PCDH15: variants seen among roughly 807,000 people sequenced by gnomAD.
The protein encoded by PCDH15 is protocadherin related 15.
In PCDH15, 129 loss-of-function variants were observed where a neutral mutation model predicts 178.5. The ratio of observed to expected loss-of-function variants is 0.72; its 90% CI spans 0.63 to 0.84. The LOEUF (loss-of-function observed/expected upper bound fraction) is 0.84, where lower values mean the gene tolerates loss of function less well. Ranked by LOEUF, PCDH15 falls within the 40% of genes least tolerant of loss-of-function variation. The pLI is 0.00. For missense variants in PCDH15, 2,230 were observed against 2,099.9 expected (o/e 1.06, Z -1.21); for synonymous variants, 800 against 732.0 (o/e 1.09, Z -1.50).
intron 14 of PCDH15, among the ~76,000 whole-genome samples, chr10:54,152,841 T>C (rs1253023262): frequency 6.6e-6 from 1 of 152,132 alleles, no homozygotes; most frequent in Non-Finnish European, 1.5e-5. Context: ...TCTGTTAATT[T>C]CTTTGAAGAA....
intron 3 of PCDH15, among the ~76,000 whole-genome samples, chr10:54,475,667 G>C (rs1214750682): frequency 1.3e-5 from 2 of 151,694 alleles, no homozygotes; most frequent in Non-Finnish European, 2.9e-5. Context: ...ATAAAAATCA[G>C]TGTCATTTAT....
intron 11 of PCDH15, among the ~76,000 whole-genome samples, chr10:54,190,699 C>T (rs751650435): frequency 2.0e-5 from 3 of 152,196 alleles, no homozygotes; most frequent in Non-Finnish European, 4.4e-5. Context: ...CCACCACACC[C>T]AGCCAAGAGT....
intron 1 of PCDH15, among the ~76,000 whole-genome samples, chr10:55,210,466 G>A (rs1840529233): frequency 6.6e-6 from 1 of 151,660 alleles, no homozygotes; most frequent in Non-Finnish European, 1.5e-5. Context: ...ATAGACAATA[G>A]CAAAGGAAGC....
Position 53,803,115 on chromosome 10 carries a change from T to C in PCDH15, c.*3464A>G, listed in dbSNP as rs1371019388. On this transcript the variant is annotated 3_prime_UTR_variant, in exon 38 of 38. Transcript: ENST00000644397. The stretch of plus-strand genomic sequence containing the variant: ...AAAAATTTCACATACCATTTGGGAA[T>C]AGAAAGAAACTATCTATAAAATGTG... 1.3e-5 allele frequency: 2 copies of C among 151,970 alleles called. No individual in the cohort carries two copies. Among genetic ancestry groups the C allele is most frequent in the Non-Finnish European group, 2.9e-5 (2 of 67,880 alleles). 9.4% of individuals were successfully genotyped at this position (151,970 alleles called of 1,614,324 possible).
intron 21 of PCDH15, among the ~76,000 whole-genome samples, chr10:53,983,284 T>C (rs1373651947): frequency 6.6e-6 from 1 of 151,602 alleles, no homozygotes; most frequent in Admixed American, 6.6e-5. Context: ...TATATATACG[T>C]TTTGCAGGCA....
chr10:54,250,190 G>A (rs1418420354), intron 8 of PCDH15, among the ~76,000 whole-genome samples: 3 of 150,352 alleles, frequency 2.0e-5, no homozygotes, highest in African/African-American at 7.3e-5. Flanking sequence ...TTACAGGCAT[G>A]AGTGACTGCA....
intron 3 of PCDH15, among the ~76,000 whole-genome samples, chr10:54,879,147 T>C (rs764841523): frequency 1.3e-5 from 2 of 151,916 alleles, no homozygotes; most frequent in African/African-American, 2.4e-5. Context: ...TTTACGTATG[T>C]TAGAATACAA....
chr10:55,454,339 T>C (rs1001558231), intron 2 of PCDH15, among the ~76,000 whole-genome samples: 11 of 152,136 alleles, frequency 7.2e-5, no homozygotes, highest in Middle Eastern at 3.2e-3. Flanking sequence ...AAATACAAAG[T>C]AAGTTCAATA....
chr10:55,115,573 G>A (rs915673097), intron 2 of PCDH15, among the ~76,000 whole-genome samples: 31 of 152,136 alleles, frequency 2.0e-4, no homozygotes, highest in Admixed American at 6.5e-4. Context: ...CAAGGTGTCA[G>A]CTAAGAGGTT....
chr10:55,495,425 T>C (rs1177753723), intron 2 of PCDH15, among the ~76,000 whole-genome samples: 1 of 151,650 alleles, frequency 6.6e-6, no homozygotes, highest in Non-Finnish European at 1.5e-5. Context: ...TAAAAAGACA[T>C]ATAATCCAAT....
At chr10:54,302,378 G>C (rs144097728) in intron 8 of PCDH15, among the ~76,000 whole-genome samples, 173 of 152,274 alleles carry the variant, frequency 1.1e-3, no homozygotes, top group Non-Finnish European at 2.2e-3. Flanking sequence ...AGCTGTGTCT[G>C]AATGTTTGTG....
intron 3 of PCDH15, among the ~76,000 whole-genome samples, chr10:54,829,178 T>G (rs757892707): frequency 3.2e-4 from 49 of 151,992 alleles, no homozygotes; most frequent in Non-Finnish European, 5.7e-4. Context: ...TTAAAAGAAT[T>G]ACTCTGCCTC....
At position 54,815,700 on chromosome 10, in the gene PCDH15, C is replaced by A. The variant is rs914376226; in HGVS notation, c.-29+81750G>T. ...TGATGCCGACAGTACTCCCAGGCAA[C>A]AAAGTCATGCCATTACAAGAAAAAG... is the stretch of plus-strand genomic sequence containing the variant. On this transcript the variant is annotated intron_variant, in intron 3 of 5. Coordinates refer to the PCDH15 transcript ENST00000458638. Among the ~76,000 whole-genome samples the A allele has an allele frequency of 2.6e-5, 4 of 152,038 alleles. No individual in the cohort carries two copies. The East Asian group carries it at 7.7e-4, about 29-fold the overall frequency.
intron 2 of PCDH15, among the ~76,000 whole-genome samples, chr10:55,014,203 T>A (rs1164860538): frequency 6.6e-6 from 1 of 152,118 alleles, no homozygotes; most frequent in African/African-American, 2.4e-5. Flanking sequence ...CCTTGAAATT[T>A]TTTTTTTATA....
chr10:54,524,230 TGA>T (rs2083160450), intron 3 of PCDH15, among the ~76,000 whole-genome samples: 1 of 152,348 alleles, frequency 6.6e-6, no homozygotes, highest in African/African-American at 2.4e-5. Context: ...CCAAATTTAC[TGA>T]GAGTGTACAA....
At chr10:53,914,007 G>C (rs1010229050) in intron 25 of PCDH15, among the ~76,000 whole-genome samples, 16 of 152,122 alleles carry the variant, frequency 1.1e-4, no homozygotes, top group Non-Finnish European at 2.1e-4. Context: ...ACAGACACAT[G>C]AAAAAAGGCC....
intron 1 of PCDH15, among the ~76,000 whole-genome samples, chr10:55,210,356 G>A (rs1340702248): frequency 6.6e-6 from 1 of 151,830 alleles, no homozygotes; most frequent in Non-Finnish European, 1.5e-5. Context: ...ATAAATAAAA[G>A]TAAAATGAAT....
intron 1 of PCDH15, among the ~76,000 whole-genome samples, chr10:54,775,924 C>T (rs1201566687): frequency 6.6e-6 from 1 of 152,026 alleles, no homozygotes; most frequent in African/African-American, 2.4e-5. Flanking sequence ...AATATCTCCA[C>T]ATCCTTCCTT....
chr10:55,094,555 A>G (rs1842400749), intron 2 of PCDH15, among the ~76,000 whole-genome samples: 1 of 152,032 alleles, frequency 6.6e-6, no homozygotes, highest in Non-Finnish European at 1.5e-5. Context: ...AAATAAATTA[A>G]AAAAAATTAG....
Sources: gnomAD v4.1 joint callset for allele counts (sites outside exome capture counted in the v4.1 genomes callset) on GRCh38, gnomAD v4.1.1 for gene constraint, MANE v1.5 for transcripts, NCBI Gene and HGNC (gene_info 2026-07-23, HGNC 2026-07-21) for gene names.